ABCC3: variants seen among roughly 807,000 people sequenced by gnomAD.
The protein encoded by ABCC3 is ATP binding cassette subfamily C member 3, also known as ATP-binding cassette sub-family C member 3.
ABCC3 carries 121 observed loss-of-function variants against 165.3 expected under a neutral mutation model. The observed-to-expected ratio is 0.73, with a 90% CI of 0.63 to 0.85. ABCC3 has a LOEUF of 0.85. Among genes scored for constraint, ABCC3 ranks in the 40% least tolerant of loss-of-function variants. The probability of loss-of-function intolerance (pLI) is 0.00; values close to 1 mark genes in which losing one functional copy is unlikely to be tolerated. For missense variants in ABCC3, 1,869 were observed against 1,964.1 expected (o/e 0.95, Z 0.92); for synonymous variants, 733 against 810.1 (o/e 0.90, Z 1.62).
At chr17:50,674,814 TTTG>T (rs1339887903) in intron 19 of ABCC3, among the ~76,000 whole-genome samples, 3 of 151,010 alleles carry the variant, frequency 2.0e-5, no homozygotes, top group Non-Finnish European at 1.5e-5. Flanking sequence ...TTTTTTTTTT[TTTG>T]GGGACAGTTT....
Position 50,659,257 on chromosome 17 carries a change from G to A in ABCC3, c.695G>A (p.Arg232Gln), listed in dbSNP as rs148287642. The A allele has an allele frequency of 2.4e-5, 38 of 1,613,586 alleles. No homozygotes were observed. Among genetic ancestry groups the A allele is most frequent in the South Asian group, 1.5e-4 (14 of 91,068 alleles). ...WFTKMAIYGYRHPLEEKDLWS... is the reference protein window; with the variant it reads ...WFTKMAIYGYQHPLEEKDLWS... ...CCCAGGATGGCCATCTATGGCTACC[G>A]GCATCCCCTGGAGGAGAAGGACCTC... Residue 232 changes from arginine (R) to glutamine (Q), a missense_variant, in exon 7 of 31, where the codon CGG becomes CAG. Coordinates refer to ENST00000285238, the MANE Select transcript of ABCC3 (RefSeq NM_003786.4).
At chr17:50,680,273 T>C (rs1434972279) in intron 26 of ABCC3, among the ~76,000 whole-genome samples, 1 of 152,076 alleles carries the variant, frequency 6.6e-6, no homozygotes. Context: ...TTTGATAGAC[T>C]AAGTAAGATG....
chr17:50,677,964 C>T (rs1967856908), intron 24 of ABCC3, 21 bp downstream of exon 24: 2 of 1,614,158 alleles, frequency 1.2e-6, no homozygotes, highest in Non-Finnish European at 1.7e-6. Flanking sequence ...GCCTCCCTCG[C>T]TCCCTGCTCC....
intron 2 of ABCC3, 143 bp downstream of exon 2, chr17:50,656,151 T>C (rs1967238621): frequency 1.5e-6 from 1 of 657,700 alleles, no homozygotes; most frequent in Non-Finnish European, 2.1e-6. Flanking sequence ...AGTGGCATGA[T>C]CTTGGCTCAC....
chr17:50,636,579 C>A (rs1231519076), intron 1 of ABCC3, among the ~76,000 whole-genome samples: 1 of 152,194 alleles, frequency 6.6e-6, no homozygotes, highest in Non-Finnish European at 1.5e-5. Context: ...CCTTTCACTG[C>A]CCTTTGGGCC....
chr17:50,663,274 G>A, intron 8 of ABCC3: 2 of 212,874 alleles, frequency 9.4e-6, no homozygotes, highest in Non-Finnish European at 1.9e-5. Flanking sequence ...TTGGAAAGGT[G>A]GATTTGAGCG....
At position 50,676,277 on chromosome 17, in the gene ABCC3, G is replaced by C. The variant is rs1159098635; in HGVS notation, c.3068-1G>C. 6.2e-7 allele frequency: 1 copy of C among 1,610,902 alleles called. No homozygotes were observed. Among genetic ancestry groups the C allele is most frequent in the East Asian group, 2.2e-5 (1 of 44,862 alleles). On this transcript the variant is annotated splice_acceptor_variant, in intron 22 of 30. Coordinates refer to ENST00000285238, the MANE Select transcript of ABCC3 (RefSeq NM_003786.4). LOFTEE classifies it high-confidence loss of function. Reference sequence around the variant, plus strand: ...CCAGCGCCCTCTGCCTTCTCCAACAGGGTTCTTGGTGATGCTGGCAGCCAT... The same window carrying C: ...CCAGCGCCCTCTGCCTTCTCCAACACGGTTCTTGGTGATGCTGGCAGCCAT...
At chr17:50,689,475 G>T (rs1173075951) in intron 30 of ABCC3, among the ~76,000 whole-genome samples, 2 of 152,222 alleles carry the variant, frequency 1.3e-5, no homozygotes, top group African/African-American at 4.8e-5. Flanking sequence ...AGAAACTAGA[G>T]GGGAGGAGGA....
At position 50,673,636 on chromosome 17, in the gene ABCC3, G is replaced by T; in HGVS notation, c.2577G>T (p.Gly859=). ...ACTATGCCCCCGATGAGGACCAAGG[G>T]CACCTGGAGGACAGCTGGACCGGTA... ...LCNYAPDEDQ[G]HLEDSWTALE... The change falls in exon 19 of 31, where the codon GGG becomes GGT. Residue 859 remains glycine (G), a synonymous_variant. Transcript: ENST00000285238. 6.2e-7 allele frequency: 1 copy of T among 1,614,174 alleles called. No homozygotes were observed. Among genetic ancestry groups the T allele is most frequent in the Non-Finnish European group, 8.5e-7 (1 of 1,180,034 alleles).
Position 50,678,045 on chromosome 17 carries a change from G to GCCCTGCCCTGC in ABCC3, c.3579-39_3579-29dup, listed in dbSNP as rs542689042. 190 of 1,613,746 alleles carry GCCCTGCCCTGC rather than the reference G, an allele frequency of 1.2e-4. 1 individual carries two copies. The African/African-American group carries it at 2.3e-3, about 19-fold the overall frequency. On this transcript the variant is annotated intron_variant, in intron 24 of 30. Transcript: ENST00000285238. ...CTCCTTTCCCCTAAGCAGAAAACTG[G>GCCCTGCCCTGC]CCCTGCCCTGCCCCTGCCCCATTTC...
chr17:50,677,750 T>A lies in ABCC3; in HGVS notation c.3385T>A (p.Tyr1129Asn). ...AVLYTLVQRF[Y>N]AATSRQLKRL... The stretch of plus-strand genomic sequence containing the variant: ...CTCCTTCTCCCTCCATCAGCGCTTC[T>A]ATGCAGCCACATCACGGCAACTGAA... Residue 1129 changes from tyrosine (Y) to asparagine (N), a missense_variant, in exon 24 of 31, where the codon TAT becomes AAT. Transcript: ENST00000285238. The A allele has an allele frequency of 6.2e-7, 1 of 1,614,000 alleles. No homozygotes were observed. The highest frequency in any genetic ancestry group is 8.5e-7 in the Non-Finnish European group (1 of 1,179,972).
intron 26 of ABCC3, among the ~76,000 whole-genome samples, chr17:50,682,191 C>T (rs1364135395): frequency 6.6e-6 from 1 of 151,942 alleles, no homozygotes; most frequent in Non-Finnish European, 1.5e-5. Flanking sequence ...AATGCTCTGC[C>T]GTCAGTGCCT....
intron 1 of ABCC3, among the ~76,000 whole-genome samples, chr17:50,652,735 T>C (rs1435866221): frequency 6.6e-6 from 1 of 152,218 alleles, no homozygotes; most frequent in African/African-American, 2.4e-5. Flanking sequence ...TCCTTAGATT[T>C]GGAGGAACTC....
At chr17:50,673,982 C>CCTTCCTTCCTTCCT (rs1967727504) in intron 19 of ABCC3, among the ~76,000 whole-genome samples, 1 of 14,682 alleles carries the variant, frequency 6.8e-5, no homozygotes, top group Admixed American at 8.6e-4. Flanking sequence ...CTTTCTTTCT[C>CCTTCCTTCCTTCCT]TCTCTCTCTC....
Position 50,668,865 on chromosome 17 carries a change from C to A in ABCC3, c.1883C>A (p.Thr628Asn). The change falls in exon 15 of 31, where the codon ACC (threonine) becomes AAC (asparagine). Residue 628 changes from threonine to asparagine, a missense_variant. Physicochemically the swap from Thr to Asn is moderately conservative, Grantham distance 65. Coordinates refer to ENST00000285238, the MANE Select transcript of ABCC3 (RefSeq NM_003786.4). The stretch of plus-strand genomic sequence containing the variant: ...TTGGTCCTCTCAGGCTATGCCATCA[C>A]CATACACAGTGGCACCTTCACCTGG... ...RKTISPGYAI[T>N]IHSGTFTWAQ... is the part of the protein sequence containing the mutation. 6.2e-7 allele frequency: 1 copy of A among 1,613,986 alleles called. No individual in the cohort carries two copies. The highest frequency in any genetic ancestry group is 1.6e-4 in the Middle Eastern group (1 of 6,062).
chr17:50,675,855 C>T (rs1384898719), intron 21 of ABCC3, 28 bp from the exon 22 acceptor site: 1 of 1,612,902 alleles, frequency 6.2e-7, no homozygotes, highest in East Asian at 2.2e-5. Flanking sequence ...AGTCCCCTGT[C>T]CCTGACTGCC....
Position 50,665,537 on chromosome 17 carries a change from G to A in ABCC3, c.1431+292G>A, listed in dbSNP as rs190708887. On this transcript the variant is annotated intron_variant, in intron 11 of 30. Transcript: ENST00000285238. ...TGGTCTAACAAGGAGTTTTCCCGCT[G>A]CACTGTGCTAAGCATGAATAGCCAG... 1.2e-4 allele frequency among the ~76,000 whole-genome samples: 19 copies of A among 152,234 alleles called. No individual in the cohort carries two copies. In the East Asian group the frequency reaches 2.3e-3, roughly 19 times the overall value.
chr17:50,679,636 G>C, intron 25 of ABCC3, 162 bp from the exon 26 acceptor site: 1 of 612,872 alleles, frequency 1.6e-6, no homozygotes, highest in Non-Finnish European at 3.0e-6. Flanking sequence ...CGTGATTACA[G>C]CCCCAGCTGG....
At chr17:50,669,045 T>C in intron 15 of ABCC3, 95 bp from the exon 16 acceptor site, 1 of 1,598,206 alleles carries the variant, frequency 6.3e-7, no homozygotes, top group Non-Finnish European at 8.6e-7. Context: ...GGGGGGTGTC[T>C]GGAAGGGCGG....
Sources: allele counts gnomAD v4.1 joint callset (sites outside exome capture counted in the v4.1 genomes callset), GRCh38; gene constraint gnomAD v4.1.1; transcripts MANE v1.5; gene names NCBI Gene and HGNC (gene_info 2026-07-23, HGNC 2026-07-21).